GFRAL: variants seen among roughly 807,000 people sequenced by gnomAD.
GFRAL encodes the protein GDNF family receptor alpha like.
GFRAL carries 36 observed loss-of-function variants against 45.4 expected under a neutral mutation model. That is an observed-to-expected ratio of 0.79 (90% CI 0.61 to 1.05). GFRAL has a LOEUF of 1.05. Among genes scored for constraint, GFRAL ranks in the 50% least tolerant of loss-of-function variants. The probability of loss-of-function intolerance (pLI) is 0.00; values close to 1 mark genes in which losing one functional copy is unlikely to be tolerated. For missense variants in GFRAL, 507 were observed against 467.5 expected, an observed-to-expected ratio of 1.08 and a Z score of -0.78; for synonymous variants, 166 against 154.1, an observed-to-expected ratio of 1.08 and a Z score of -0.57.
At chr6:55,346,989 T>A (rs573497310) in intron 3 of GFRAL, among the ~76,000 whole-genome samples, 2 of 152,198 alleles carry the variant, frequency 1.3e-5, no homozygotes, top group Non-Finnish European at 2.9e-5. Context: ...ATAGTGTGAC[T>A]TTTCTGTGAG....
chr6:55,353,272 T>C (rs1006392713), intron 5 of GFRAL, among the ~76,000 whole-genome samples: 3 of 152,090 alleles, frequency 2.0e-5, no homozygotes, highest in Non-Finnish European at 4.4e-5. Flanking sequence ...AAAGTAATGA[T>C]ATCAACTTCC....
At position 55,327,510 on chromosome 6, in the gene GFRAL, C is replaced by T. The variant is rs375371993; in HGVS notation, c.-45C>T. On this transcript the variant is annotated 5_prime_UTR_variant, in exon 1 of 9. In the 5' UTR this introduces an upstream ATG that the reference lacks. Transcript: ENST00000340465. ...CTCTTAAGAAAGTTGTCAGAAGAAA[C>T]GCATCTGCCTTTTTTTCCAGGTGAA... 40 of 1,608,742 alleles carry T rather than the reference C, an allele frequency of 2.5e-5. No individual in the cohort carries two copies. The East Asian group carries it at 4.5e-4, about 18-fold the overall frequency.
chr6:55,346,696 A>G (rs1223651633), intron 3 of GFRAL, among the ~76,000 whole-genome samples: 1 of 152,146 alleles, frequency 6.6e-6, no homozygotes, highest in African/African-American at 2.4e-5. Flanking sequence ...TATAAAAGTA[A>G]AAGAAAAAAA....
At chr6:55,361,175 G>T (rs1768270751) in intron 6 of GFRAL, among the ~76,000 whole-genome samples, 1 of 151,918 alleles carries the variant, frequency 6.6e-6, no homozygotes, top group Non-Finnish European at 1.5e-5. Context: ...GGAAGTTTTT[G>T]CTCCAAATAT....
At position 55,352,314 on chromosome 6, in the gene GFRAL, A is replaced by G. The variant is rs560357733; in HGVS notation, c.701+731A>G. On this transcript the variant is annotated intron_variant, in intron 5 of 8. Transcript: ENST00000340465. ...GTTAAACATTCCACAACAAAGTAACATTTAACATTAAGAGAAAAGGGATAG... is the reference window on the plus strand; with the variant it reads ...GTTAAACATTCCACAACAAAGTAACGTTTAACATTAAGAGAAAAGGGATAG... 2.0e-3 allele frequency among the ~76,000 whole-genome samples: 306 copies of G among 152,272 alleles called. 1 individual carries two copies. The highest frequency in any genetic ancestry group is 6.5e-3 in the African/African-American group (269 of 41,582).
chr6:55,368,253 A>G (rs1243391421), intron 6 of GFRAL, among the ~76,000 whole-genome samples: 5 of 151,630 alleles, frequency 3.3e-5, no homozygotes, highest in African/African-American at 1.2e-4. Flanking sequence ...AGGCTTCTGC[A>G]TTCTTCACGT....
chr6:55,374,111 G>A (rs1488979385), intron 6 of GFRAL, among the ~76,000 whole-genome samples: 1 of 152,030 alleles, frequency 6.6e-6, no homozygotes, highest in South Asian at 2.1e-4. Flanking sequence ...AGTATCCCAT[G>A]GTATATATGT....
chr6:55,363,638 C>G (rs2127358523), intron 6 of GFRAL, among the ~76,000 whole-genome samples: 1 of 138,620 alleles, frequency 7.2e-6, no homozygotes, highest in East Asian at 2.2e-4. Flanking sequence ...CTTCCTGTGT[C>G]CATGTGATCT....
chr6:55,329,458 G>T (rs1054260129), intron 1 of GFRAL, among the ~76,000 whole-genome samples: 23 of 151,908 alleles, frequency 1.5e-4, no homozygotes, highest in Admixed American at 1.5e-3. Flanking sequence ...TTCTTGAAGG[G>T]GCTTTTCACA....
intron 6 of GFRAL, among the ~76,000 whole-genome samples, chr6:55,385,567 A>T (rs1384717793): frequency 1.3e-5 from 2 of 152,150 alleles, no homozygotes; most frequent in Non-Finnish European, 1.5e-5. Context: ...GTCACAAAAA[A>T]AGACAATAGA....
intron 8 of GFRAL, among the ~76,000 whole-genome samples, 197 bp from the exon 9 acceptor site, chr6:55,401,593 T>G (rs1258596793): frequency 6.6e-6 from 1 of 152,218 alleles, no homozygotes; most frequent in Non-Finnish European, 1.5e-5. Flanking sequence ...AAAAAATGAT[T>G]ACTTGGACAT....
intron 8 of GFRAL, 104 bp downstream of exon 8, chr6:55,399,545 G>A (rs901285199): frequency 1.8e-5 from 14 of 795,880 alleles, no homozygotes; most frequent in East Asian, 9.9e-5. Context: ...GAGAATGAAA[G>A]CTTCTCTGTT....
At chr6:55,364,078 T>C (rs1441861674) in intron 6 of GFRAL, among the ~76,000 whole-genome samples, 1 of 145,074 alleles carries the variant, frequency 6.9e-6, no homozygotes, top group East Asian at 1.9e-4. Context: ...TTCCTATTTC[T>C]CCACATCCTC....
chr6:55,386,635 A>G lies in GFRAL; in HGVS notation c.953-12545A>G, dbSNP rs529887682. On this transcript the variant is annotated intron_variant, in intron 6 of 8. Transcript: ENST00000340465. ...CTGCAACTTCTACCTTTGTTGGCTA[A>G]GATTTCAACCAGATACTCTAAGGAA... Among the ~76,000 whole-genome samples the G allele has an allele frequency of 1.2e-4, 18 of 152,268 alleles. 1 individual carries two copies. The South Asian group carries it at 3.7e-3, about 32-fold the overall frequency.
rs995885374 is a variant in GFRAL at position 55,402,388 on chromosome 6, A to G, written c.*535A>G. On this transcript the variant is annotated 3_prime_UTR_variant, in exon 9 of 9. Coordinates refer to ENST00000340465, the MANE Select transcript of GFRAL (RefSeq NM_207410.2). ...ACTTAAAAATATTGCTTTGTTACAT[A>G]TAATAATATGGCATGATGATGTTAT... is the stretch of plus-strand genomic sequence containing the variant. 6 of 152,098 alleles carry G rather than the reference A, an allele frequency of 3.9e-5. No homozygotes were observed. Among genetic ancestry groups the G allele is most frequent in the Admixed American group, 1.3e-4 (2 of 15,232 alleles). 9.4% of individuals were successfully genotyped at this position (152,098 alleles called of 1,614,324 possible). A position where few individuals can be genotyped will look rare whatever the true frequency, so the allele number is the denominator to read the frequency against.
intron 3 of GFRAL, among the ~76,000 whole-genome samples, chr6:55,345,056 C>T (rs542311271): frequency 2.6e-5 from 4 of 152,168 alleles, no homozygotes; most frequent in South Asian, 2.1e-4. Flanking sequence ...ACAAACAAAT[C>T]GAAGAGCATT....
At chr6:55,382,727 A>T (rs555330533) in intron 6 of GFRAL, among the ~76,000 whole-genome samples, 67 of 152,024 alleles carry the variant, frequency 4.4e-4, no homozygotes, top group African/African-American at 1.3e-3. Flanking sequence ...GGGTTCAAAT[A>T]ATTTTTCCAT....
At chr6:55,364,871 G>A (rs1328148881) in intron 6 of GFRAL, among the ~76,000 whole-genome samples, 4 of 152,140 alleles carry the variant, frequency 2.6e-5, no homozygotes, top group East Asian at 1.9e-4. Flanking sequence ...GTCAGGTAGC[G>A]AGATGCCTCC....
chr6:55,378,224 C>T (rs1401429570), intron 6 of GFRAL, among the ~76,000 whole-genome samples: 1 of 151,798 alleles, frequency 6.6e-6, no homozygotes, highest in African/African-American at 2.4e-5. Context: ...TAGGTTGCAG[C>T]TGCATAAAAA....
Sources: allele counts gnomAD v4.1 joint callset (sites outside exome capture counted in the v4.1 genomes callset), GRCh38; gene constraint gnomAD v4.1.1; transcripts MANE v1.5; gene names NCBI Gene and HGNC (gene_info 2026-07-23, HGNC 2026-07-21).